PDE4D: variants seen among roughly 807,000 people sequenced by gnomAD.
The protein encoded by PDE4D is 3',5'-cyclic-AMP phosphodiesterase 4D.
In PDE4D, 24 loss-of-function variants were observed where a neutral mutation model predicts 87.4. That is an observed-to-expected ratio of 0.27 (90% CI 0.20 to 0.39). The LOEUF is 0.39. Among genes scored for constraint, PDE4D ranks in the 10% least tolerant of loss-of-function variants. The probability of loss-of-function intolerance (pLI) is 1.00; values close to 1 mark genes in which losing one functional copy is unlikely to be tolerated. For missense variants in PDE4D, 714 were observed against 1,041.0 expected (o/e 0.69, Z 4.32); for synonymous variants, 384 against 383.2 (o/e 1.00, Z -0.02).
At chr5:59,400,459 C>A (rs964022755) in intron 1 of PDE4D, among the ~76,000 whole-genome samples, 3 of 147,146 alleles carry the variant, frequency 2.0e-5, no homozygotes, top group African/African-American at 7.7e-5. Flanking sequence ...TGGAAATCAT[C>A]ATTCTCAGTA....
chr5:60,405,091 A>C (rs1741424542), intron 1 of PDE4D, among the ~76,000 whole-genome samples: 1 of 152,222 alleles, frequency 6.6e-6, no homozygotes, highest in Non-Finnish European at 1.5e-5. Context: ...TTCTCTAATT[A>C]ACTGTGGGCA....
intron 1 of PDE4D, among the ~76,000 whole-genome samples, chr5:60,426,100 C>A (rs1743688573): frequency 6.6e-6 from 1 of 152,138 alleles, no homozygotes; most frequent in African/African-American, 2.4e-5. Flanking sequence ...TAAATTAGTT[C>A]AACCATTGTG....
intron 3 of PDE4D, chr5:59,988,009 A>G (rs1762614634): frequency 6.5e-6 from 1 of 152,852 alleles, no homozygotes; most frequent in African/African-American, 2.4e-5. Flanking sequence ...CAATACCTCA[A>G]AATGTCAAAG....
chr5:60,044,900 A>G (rs1582342378), intron 2 of PDE4D, among the ~76,000 whole-genome samples: 1 of 152,214 alleles, frequency 6.6e-6, no homozygotes, highest in South Asian at 2.1e-4. Flanking sequence ...TGGCTGGGTC[A>G]AATGGTATTT....
At chr5:59,562,673 G>C (rs1583135593) in intron 1 of PDE4D, among the ~76,000 whole-genome samples, 1 of 152,182 alleles carries the variant, frequency 6.6e-6, no homozygotes, top group Admixed American at 6.5e-5. Context: ...TATATACCTA[G>C]TTAGGTTGAG....
intron 5 of PDE4D, among the ~76,000 whole-genome samples, chr5:59,116,781 G>A (rs190363635): frequency 9.2e-5 from 14 of 152,250 alleles, no homozygotes; most frequent in African/African-American, 2.9e-4. Flanking sequence ...TGGGGGTGGT[G>A]ACAAAGTGGA....
At chr5:59,512,267 GC>G (rs1207962843) in intron 1 of PDE4D, among the ~76,000 whole-genome samples, 1 of 152,122 alleles carries the variant, frequency 6.6e-6, no homozygotes, top group Non-Finnish European at 1.5e-5. Context: ...AAAGGAGCAG[GC>G]TAAGCCAAGT....
At chr5:59,292,171 C>A (rs1026481153) in intron 1 of PDE4D, among the ~76,000 whole-genome samples, 4 of 152,112 alleles carry the variant, frequency 2.6e-5, no homozygotes, top group South Asian at 2.1e-4. Context: ...ATTCAGTTGA[C>A]AGTCTTCAGT....
chr5:59,879,851 CTG>C (rs1319320114), intron 1 of PDE4D, among the ~76,000 whole-genome samples: 1 of 152,198 alleles, frequency 6.6e-6, no homozygotes, highest in African/African-American at 2.4e-5. Flanking sequence ...AGCGATTCTC[CTG>C]CCTCAGTCTC....
At chr5:59,735,490 A>G (rs1007455458) in intron 1 of PDE4D, among the ~76,000 whole-genome samples, 2 of 152,174 alleles carry the variant, frequency 1.3e-5, no homozygotes, top group Non-Finnish European at 2.9e-5. Context: ...TCTTCAATAT[A>G]TCAAACTCTG....
chr5:59,787,461 C>A lies in PDE4D; in HGVS notation c.455+105707G>T, dbSNP rs561914852. On this transcript the variant is annotated intron_variant, in intron 1 of 14. Transcript: ENST00000340635. ...AAACAGAAGGAATCACACCCTTTGT[C>A]ACTTGTATTCACTACTCTATCACCC... is the stretch of plus-strand genomic sequence containing the variant. 2.6e-5 allele frequency among the ~76,000 whole-genome samples: 4 copies of A among 152,292 alleles called. No individual in the cohort carries two copies. In the South Asian group the frequency reaches 8.3e-4, roughly 32 times the overall value.
At chr5:59,393,404 C>T (rs1475213013) in intron 1 of PDE4D, among the ~76,000 whole-genome samples, 1 of 152,180 alleles carries the variant, frequency 6.6e-6, no homozygotes, top group Non-Finnish European at 1.5e-5. Flanking sequence ...AATTATTGGT[C>T]AAGTGGTTGG....
chr5:59,482,624 T>C (rs745777840), intron 1 of PDE4D, among the ~76,000 whole-genome samples: 7 of 152,116 alleles, frequency 4.6e-5, no homozygotes, highest in Non-Finnish European at 4.4e-5. Context: ...ATAGAAGTTA[T>C]TGTGATGCCT....
intron 1 of PDE4D, among the ~76,000 whole-genome samples, chr5:60,480,924 T>C (rs1423472): frequency 7.2e-5 from 11 of 152,160 alleles, no homozygotes; most frequent in Non-Finnish European, 1.2e-4. Context: ...TGGTGTTGTA[T>C]TTTAAATTGC....
intron 1 of PDE4D, among the ~76,000 whole-genome samples, chr5:60,263,242 G>C (rs1749839721): frequency 6.6e-6 from 1 of 152,124 alleles, no homozygotes; most frequent in South Asian, 2.1e-4. Context: ...AACCGTCAGG[G>C]AATCTCCCTT....
rs6884751 is a variant in PDE4D, at chr5:60,038,548, T to C, written c.43-49831A>G. Among the ~76,000 whole-genome samples, 1,021 of 152,244 alleles carry C rather than the reference T, an allele frequency of 6.7e-3. 15 individuals are homozygous for C. The highest frequency in any genetic ancestry group is 0.024 in the African/African-American group (986 of 41,512). On this transcript the variant is annotated intron_variant, in intron 2 of 16. Coordinates refer to the PDE4D transcript ENST00000502484. ...TGTAGCCTTGTAGTATAGTTTGAAGTCAGGTAGTGTGATGCCTCCAGCTTT... is the reference window on the plus strand; with the variant it reads ...TGTAGCCTTGTAGTATAGTTTGAAGCCAGGTAGTGTGATGCCTCCAGCTTT...
At chr5:59,152,239 C>A (rs1410020519) in intron 5 of PDE4D, among the ~76,000 whole-genome samples, 1 of 151,688 alleles carries the variant, frequency 6.6e-6, no homozygotes, top group Admixed American at 6.6e-5. Context: ...GTTTGGCACA[C>A]AGAATTGTTA....
chr5:59,716,655 T>C (rs1044937162), intron 1 of PDE4D, among the ~76,000 whole-genome samples: 8 of 152,204 alleles, frequency 5.3e-5, no homozygotes, highest in Non-Finnish European at 1.0e-4. Flanking sequence ...ACAGTAGTAC[T>C]CATTCATTCA....
chr5:60,440,416 TTAAAC>T (rs1561260195), intron 1 of PDE4D, among the ~76,000 whole-genome samples: 1 of 152,088 alleles, frequency 6.6e-6, no homozygotes, highest in African/African-American at 2.4e-5. Flanking sequence ...TCGTGTGTAA[TTAAAC>T]TAAGCCAACA....
Sources: allele counts gnomAD v4.1 joint callset (sites outside exome capture counted in the v4.1 genomes callset), GRCh38; gene constraint gnomAD v4.1.1; transcripts MANE v1.5; gene names NCBI Gene and HGNC (gene_info 2026-07-23, HGNC 2026-07-21).